The following SOX5 variants were observed in gnomAD, a reference collection of about 807,000 sequenced individuals.
SOX5 encodes SRY-box transcription factor 5.
In SOX5, 9 loss-of-function variants were observed where a neutral mutation model predicts 92.0. That is an observed-to-expected ratio of 0.10 (90% confidence interval 0.06 to 0.17). The LOEUF is 0.17. Among genes scored for constraint, SOX5 ranks in the 10% least tolerant of loss-of-function variants. The pLI, the probability that SOX5 is intolerant of heterozygous loss-of-function variation, is 1.00. For synonymous variants in SOX5, 344 were observed against 336.3 expected, an observed-to-expected ratio of 1.02 and a Z score of -0.25; for missense variants, 642 against 944.5, an observed-to-expected ratio of 0.68 and a Z score of 4.20.
chr12:24,060,614 T>C (rs12828700), intron 4 of SOX5, among the ~76,000 whole-genome samples: 39,752 of 152,062 alleles, frequency 0.26, 5,541 homozygotes, highest in Non-Finnish European at 0.29. Context: ...AGACCTCCAT[T>C]CTCAAACAAG....
intron 1 of SOX5, among the ~76,000 whole-genome samples, chr12:23,913,661 A>G (rs2097377209): frequency 6.6e-6 from 1 of 151,598 alleles, no homozygotes; most frequent in South Asian, 2.1e-4. Context: ...TCTTGAAACC[A>G]GAAGGTGGAG....
At chr12:23,836,046 C>T (rs1433975860) in intron 3 of SOX5, among the ~76,000 whole-genome samples, 2 of 151,704 alleles carry the variant, frequency 1.3e-5, no homozygotes, top group African/African-American at 2.4e-5. Context: ...GCATAATATA[C>T]ACTTAATACA....
chr12:23,748,139 T>A (rs1167058107), intron 4 of SOX5, among the ~76,000 whole-genome samples: 1 of 152,036 alleles, frequency 6.6e-6, no homozygotes, highest in African/African-American at 2.4e-5. Context: ...TTCTTATTGA[T>A]ATAGTTATTT....
At chr12:24,128,972 A>C (rs1473466483) in intron 4 of SOX5, among the ~76,000 whole-genome samples, 4 of 152,118 alleles carry the variant, frequency 2.6e-5, no homozygotes, top group Non-Finnish European at 4.4e-5. Context: ...TTCAAGATAT[A>C]CTTTGTGAAT....
chr12:24,355,804 T>C (rs1954760282), intron 2 of SOX5, among the ~76,000 whole-genome samples: 1 of 152,196 alleles, frequency 6.6e-6, no homozygotes, highest in African/African-American at 2.4e-5. Context: ...AAATTACTTA[T>C]TTCCAGACAC....
chr12:24,005,213 C>T (rs1016553455), intron 4 of SOX5, among the ~76,000 whole-genome samples: 1 of 151,486 alleles, frequency 6.6e-6, no homozygotes, highest in African/African-American at 2.4e-5. Context: ...GAATTGTATA[C>T]ATAAAATTGG....
intron 4 of SOX5, among the ~76,000 whole-genome samples, chr12:24,155,513 G>C (rs1952076158): frequency 6.6e-6 from 1 of 152,004 alleles, no homozygotes; most frequent in African/African-American, 2.4e-5. Context: ...AAAACCTTTG[G>C]GTTCAGAAGT....
chr12:24,325,906 G>A (rs917741692), intron 2 of SOX5, among the ~76,000 whole-genome samples: 4 of 152,174 alleles, frequency 2.6e-5, no homozygotes, highest in East Asian at 1.9e-4. Context: ...GTGCACGCGC[G>A]CGCGTGTGTG....
intron 1 of SOX5, among the ~76,000 whole-genome samples, chr12:24,376,498 A>G (rs978199910): frequency 2.6e-5 from 4 of 152,140 alleles, no homozygotes; most frequent in African/African-American, 9.7e-5. Context: ...AAAGCTAAAC[A>G]ATTTGCCAAT....
chr12:24,176,637 A>G (rs1234848186), intron 4 of SOX5, among the ~76,000 whole-genome samples: 3 of 152,182 alleles, frequency 2.0e-5, no homozygotes, highest in Non-Finnish European at 4.4e-5. Flanking sequence ...AGAGGGTTTG[A>G]GTTTAAATGA....
intron 4 of SOX5, among the ~76,000 whole-genome samples, chr12:24,123,322 A>T (rs1948804328): frequency 6.6e-6 from 1 of 152,266 alleles, no homozygotes; most frequent in South Asian, 2.1e-4. Context: ...ACAATGTGCC[A>T]TTATATCTCA....
chr12:24,374,179 T>C (rs1957010882), intron 1 of SOX5, among the ~76,000 whole-genome samples: 1 of 152,058 alleles, frequency 6.6e-6, no homozygotes. Flanking sequence ...GGTATTAATA[T>C]TTGGCTTCCA....
At chr12:24,446,422 G>A (rs1031901435) in intron 1 of SOX5, among the ~76,000 whole-genome samples, 1 of 152,130 alleles carries the variant, frequency 6.6e-6, no homozygotes, top group Admixed American at 6.5e-5. Flanking sequence ...ATGTTTGAAA[G>A]GCCCCATGTG....
intron 3 of SOX5, among the ~76,000 whole-genome samples, chr12:24,259,237 C>A (rs1239556821): frequency 1.3e-5 from 2 of 152,022 alleles, no homozygotes; most frequent in African/African-American, 4.8e-5. Flanking sequence ...AGAGAGAGAG[C>A]AAGTGAGCGA....
intron 1 of SOX5, among the ~76,000 whole-genome samples, chr12:24,522,177 A>G (rs964112057): frequency 3.9e-5 from 6 of 151,970 alleles, no homozygotes; most frequent in Non-Finnish European, 8.8e-5. Context: ...ATGTAGAAAA[A>G]TAGATAAACT....
chr12:24,451,975 C>A (rs1025171403), intron 1 of SOX5, among the ~76,000 whole-genome samples: 1 of 152,224 alleles, frequency 6.6e-6, no homozygotes, highest in Non-Finnish European at 1.5e-5. Flanking sequence ...AGATATCATA[C>A]AAAGAGACTT....
intron 6 of SOX5, among the ~76,000 whole-genome samples, chr12:23,704,303 T>A (rs1567096535): frequency 6.6e-6 from 1 of 151,932 alleles, no homozygotes; most frequent in Non-Finnish European, 1.5e-5. Flanking sequence ...GACAGCCATA[T>A]CTTGTTTAAC....
At chr12:24,405,812 G>A (rs1207573982) in intron 1 of SOX5, among the ~76,000 whole-genome samples, 1 of 152,180 alleles carries the variant, frequency 6.6e-6, no homozygotes, top group Non-Finnish European at 1.5e-5. Context: ...TGAGAACTAT[G>A]GATGGCTCTA....
At chr12:23,941,943 A>C (rs1240506146) in intron 1 of SOX5, among the ~76,000 whole-genome samples, 2 of 151,574 alleles carry the variant, frequency 1.3e-5, no homozygotes, top group African/African-American at 4.8e-5. Context: ...GCTAATAAAA[A>C]AAAAAAAATG....
Sources: allele counts gnomAD v4.1 joint callset (sites outside exome capture counted in the v4.1 genomes callset), GRCh38; gene constraint gnomAD v4.1.1; transcripts MANE v1.5; gene names NCBI Gene and HGNC (gene_info 2026-07-23, HGNC 2026-07-21).